The following CES5A variants were observed in gnomAD, a reference collection of about 807,000 sequenced individuals.
CES5A encodes carboxylesterase 5.
A neutral mutation model predicts 62.9 loss-of-function variants in CES5A; 67 were observed. The observed-to-expected ratio is 1.07, with a 90% confidence interval of 0.88 to 1.31. The LOEUF is 1.31. Among genes scored for constraint, CES5A ranks in the 50% most tolerant of loss-of-function variants. The pLI, the probability that CES5A is intolerant of heterozygous loss-of-function variation, is 0.00. For synonymous variants in CES5A, 296 were observed against 280.8 expected (o/e 1.05, Z -0.54); for missense variants, 748 against 708.5 (o/e 1.06, Z -0.63).
chr16:55,859,707 A>G lies in CES5A; in HGVS notation c.916-20T>C. 6.3e-7 allele frequency: 1 copy of G among 1,593,308 alleles called. No individual in the cohort carries two copies. The highest frequency in any genetic ancestry group is 8.5e-7 in the Non-Finnish European group (1 of 1,172,778). ...TGTTTTCTGTAATAAGGAAGAAAAAAAAATCATCAGCTATCATCAGCTATT... is the reference window on the plus strand; with the variant it reads ...TGTTTTCTGTAATAAGGAAGAAAAAGAAATCATCAGCTATCATCAGCTATT... On this transcript the variant is annotated intron_variant, in intron 7 of 12. Transcript: ENST00000290567.
chr16:55,871,561 C>A, intron 3 of CES5A, 64 bp downstream of exon 3: 1 of 1,584,830 alleles, frequency 6.3e-7, no homozygotes, highest in African/African-American at 1.3e-5. Flanking sequence ...TGTAGCTGCA[C>A]TGCCTGGATC....
chr16:55,861,834 G>T (rs1357255059), intron 6 of CES5A, among the ~76,000 whole-genome samples: 4 of 152,254 alleles, frequency 2.6e-5, no homozygotes, highest in Admixed American at 2.0e-4. Flanking sequence ...CTGTGAGCTT[G>T]GCTGCATTGG....
chr16:55,940,698 CAT>C (rs1161063645), intron 2 of CES5A, among the ~76,000 whole-genome samples: 1 of 151,578 alleles, frequency 6.6e-6, no homozygotes, highest in Non-Finnish European at 1.5e-5. Flanking sequence ...ATACCAAAAA[CAT>C]ACAAAAATAG....
intron 1 of CES5A, among the ~76,000 whole-genome samples, chr16:55,912,807 C>G (rs8047745): frequency 1.3e-4 from 19 of 151,964 alleles, no homozygotes; most frequent in Non-Finnish European, 2.6e-4. Context: ...CCCATTTCAC[C>G]GTTGAGAAAA....
At chr16:55,942,164 T>C (rs1252797247) in intron 2 of CES5A, among the ~76,000 whole-genome samples, 2 of 152,174 alleles carry the variant, frequency 1.3e-5, no homozygotes, top group African/African-American at 2.4e-5. Flanking sequence ...CATTCTTAGA[T>C]TAGACAAAGA....
In CES5A at chr16:55,853,042, G is replaced by C. The variant is rs748479243; in HGVS notation, c.1126-14C>G. 1 of 1,613,446 alleles carries C rather than the reference G, an allele frequency of 6.2e-7. No individual in the cohort carries two copies. Among genetic ancestry groups the C allele is most frequent in the Non-Finnish European group, 8.5e-7 (1 of 1,179,712 alleles). ...AGGCGGGATGTGCTGTAAAAATATC[G>C]TAGTCCTAGGAGATCCAGGTCAACC... On this transcript the variant is annotated splice_polypyrimidine_tract_variant and intron_variant, in intron 9 of 12. Coordinates refer to ENST00000290567, the MANE Select transcript of CES5A (RefSeq NM_001143685.2).
In CES5A at chr16:55,872,757, G is replaced by A. The variant is rs191696947; in HGVS notation, c.279-994C>T. Among the ~76,000 whole-genome samples the A allele has an allele frequency of 5.7e-3, 871 of 152,212 alleles. 5 individuals carry two copies. Among genetic ancestry groups the A allele is most frequent in the South Asian group, 0.01 (50 of 4,816 alleles). On this transcript the variant is annotated intron_variant, in intron 2 of 12. Transcript: ENST00000290567. ...CTGACCTCCCATCAAAGCTAGTCCA[G>A]GTGGGTCTTTGTTTCCCCTCAGCAC...
intron 2 of CES5A, chr16:55,944,066 C>T (rs1224135881): frequency 2.8e-6 from 2 of 702,032 alleles, no homozygotes; most frequent in Non-Finnish European, 5.2e-6. Flanking sequence ...AGAGAAGTGA[C>T]CAAGACCTCC....
At chr16:55,908,344 G>GT (rs1555485332) in intron 1 of CES5A, among the ~76,000 whole-genome samples, 1 of 150,826 alleles carries the variant, frequency 6.6e-6, no homozygotes, top group South Asian at 2.1e-4. Context: ...CAGTTTTGTT[G>GT]TTGTTTGTTT....
intron 1 of CES5A, among the ~76,000 whole-genome samples, chr16:55,881,477 A>G (rs1337266296): frequency 6.6e-6 from 1 of 152,224 alleles, no homozygotes; most frequent in African/African-American, 2.4e-5. Flanking sequence ...GCACATTCTC[A>G]TGATGCAGGA....
At chr16:55,853,434 A>C (rs1221632641) in intron 9 of CES5A, among the ~76,000 whole-genome samples, 1 of 152,238 alleles carries the variant, frequency 6.6e-6, no homozygotes, top group African/African-American at 2.4e-5. Context: ...ACAGCGGAGC[A>C]CTAAACCAAA....
In CES5A at chr16:55,875,192, C is replaced by A. The variant is rs567508805; in HGVS notation, c.30G>T (p.Gln10His). 2 of 1,614,042 alleles carry A rather than the reference C, an allele frequency of 1.2e-6. No individual in the cohort carries two copies. The highest frequency in any genetic ancestry group is 1.7e-5 in the Admixed American group (1 of 59,990). Reference protein sequence around the residue: MSGNWVHPGQILIWAIWVLA... With the variant: MSGNWVHPGHILIWAIWVLA... Reference sequence around the variant, plus strand: ...GGACCCAGATAGCCCAAATTAGGATCTGGCCTGGGTGCACCCAATTCCCAC... The same window carrying A: ...GGACCCAGATAGCCCAAATTAGGATATGGCCTGGGTGCACCCAATTCCCAC... Residue 10 changes from glutamine (Q) to histidine (H), a missense_variant, in exon 1 of 13, where the codon CAG becomes CAT. Coordinates refer to ENST00000290567, the MANE Select transcript of CES5A (RefSeq NM_001143685.2).
chr16:55,848,124 G>A (rs1400202079), intron 11 of CES5A, among the ~76,000 whole-genome samples: 8 of 151,636 alleles, frequency 5.3e-5, no homozygotes, highest in African/African-American at 1.9e-4. Context: ...AACAATTTTT[G>A]AGACGGGAGT....
rs1411124964 is a variant in CES5A at position 55,865,931 on chromosome 16, G to C, written c.705+32C>G. On this transcript the variant is annotated intron_variant, in intron 5 of 12. Transcript: ENST00000290567. Reference sequence around the variant, plus strand: ...TCATTTTTGGAACCTCCGGCACTGAGATTCATTCAAACCACAAAGCAGAGA... The same window carrying C: ...TCATTTTTGGAACCTCCGGCACTGACATTCATTCAAACCACAAAGCAGAGA... 6 of 1,613,610 alleles carry C rather than the reference G, an allele frequency of 3.7e-6. No homozygotes were observed. The South Asian group carries it at 6.6e-5, about 18-fold the overall frequency.
At chr16:55,860,263 T>C (rs1396469614) in intron 7 of CES5A, among the ~76,000 whole-genome samples, 1 of 152,212 alleles carries the variant, frequency 6.6e-6, no homozygotes, top group African/African-American at 2.4e-5. Context: ...ATTAAACCTC[T>C]TTCCTTTATA....
At chr16:55,847,946 G>A (rs1485832060) in intron 11 of CES5A, among the ~76,000 whole-genome samples, 5 of 152,084 alleles carry the variant, frequency 3.3e-5, no homozygotes, top group Non-Finnish European at 7.4e-5. Flanking sequence ...GTCTCACTCT[G>A]TCACCCAGGC....
At chr16:55,900,050 A>G (rs2033974964) in intron 1 of CES5A, among the ~76,000 whole-genome samples, 1 of 152,132 alleles carries the variant, frequency 6.6e-6, no homozygotes, top group Non-Finnish European at 1.5e-5. Context: ...GGATTTCCCA[A>G]GGTCACAGGG....
At chr16:55,906,005 C>G (rs1192889102) in intron 1 of CES5A, among the ~76,000 whole-genome samples, 1 of 152,108 alleles carries the variant, frequency 6.6e-6, no homozygotes, top group African/African-American at 2.4e-5. Context: ...AACAATAAGA[C>G]TCAGAGAAGT....
rs543364191 is a variant in CES5A at position 55,952,425 on chromosome 16, G to C, written c.43-2523C>G. Among the ~76,000 whole-genome samples the C allele has an allele frequency of 1.1e-4, 12 of 110,384 alleles. No homozygotes were observed. In the South Asian group the frequency reaches 1.6e-3, roughly 14 times the overall value. The allele number at this position is 110,384 out of a possible 152,430, so 72.4% of individuals were successfully genotyped here. A position where few individuals can be genotyped will look rare whatever the true frequency, so the allele number is the denominator to read the frequency against. On this transcript the variant is annotated intron_variant, in intron 1 of 13. Transcript: ENST00000521992. ...AGGAAGATATTAATAAAGATAAAATGCAAAAATTAACTAGAACACAAAAAA... is the reference window on the plus strand; with the variant it reads ...AGGAAGATATTAATAAAGATAAAATCCAAAAATTAACTAGAACACAAAAAA...
Sources: gnomAD v4.1 joint callset for allele counts (sites outside exome capture counted in the v4.1 genomes callset) on GRCh38, gnomAD v4.1.1 for gene constraint, MANE v1.5 for transcripts, NCBI Gene and HGNC (gene_info 2026-07-23, HGNC 2026-07-21) for gene names.